ZMYM2: variants seen among roughly 807,000 people sequenced by gnomAD.
ZMYM2 encodes zinc finger MYM-type containing 2.
A neutral mutation model predicts 162.8 loss-of-function variants in ZMYM2; 56 were observed. That is an observed-to-expected ratio of 0.34 (90% CI 0.28 to 0.43). The LOEUF is 0.43. Ranked by LOEUF, ZMYM2 falls within the 20% of genes least tolerant of loss-of-function variation. The pLI is 1.00. For synonymous variants in ZMYM2, 510 were observed against 541.6 expected, an observed-to-expected ratio of 0.94 and a Z score of 0.81; for missense variants, 1,275 against 1,621.8, an observed-to-expected ratio of 0.79 and a Z score of 3.67.
At chr13:19,880,237 A>T in the ZMYM2 span, among the ~76,000 whole-genome samples, 1 of 152,004 alleles carries the variant, frequency 6.6e-6, no homozygotes, top group East Asian at 1.9e-4. Context: ...TGTATATCCT[A>T]TTGGCTCTAT....
chr13:19,944,645 C>A, the ZMYM2 span, among the ~76,000 whole-genome samples: 1 of 152,148 alleles, frequency 6.6e-6, no homozygotes, highest in South Asian at 2.1e-4. Context: ...CTGTGAATTT[C>A]TTCTTCAATC....
intron 16 of ZMYM2, among the ~76,000 whole-genome samples, 165 bp from the exon 17 acceptor site, chr13:20,060,888 T>C (rs899898486): frequency 2.0e-4 from 30 of 152,364 alleles, no homozygotes; most frequent in African/African-American, 7.0e-4. Flanking sequence ...GCTTGTATTC[T>C]AGGCTTTCTT....
chr13:20,068,794 A>G (rs1956869296), intron 21 of ZMYM2, among the ~76,000 whole-genome samples: 1 of 152,130 alleles, frequency 6.6e-6, no homozygotes, highest in African/African-American at 2.4e-5. Context: ...TGCTGTAGAG[A>G]GCACTAGCGT....
chr13:19,934,349 C>T, the ZMYM2 span, among the ~76,000 whole-genome samples: 13 of 152,076 alleles, frequency 8.5e-5, no homozygotes, highest in Admixed American at 2.6e-4. Flanking sequence ...TTAGTAGAGA[C>T]GGGGTTACCC....
chr13:19,869,796 A>AAAAT, the ZMYM2 span, among the ~76,000 whole-genome samples: 11 of 152,308 alleles, frequency 7.2e-5, no homozygotes, highest in African/African-American at 2.6e-4. Context: ...TCAAACCAAA[A>AAAAT]AAATAAATAA....
chr13:19,920,184 T>C, the ZMYM2 span, among the ~76,000 whole-genome samples: 1 of 152,188 alleles, frequency 6.6e-6, no homozygotes, highest in Admixed American at 6.6e-5. Flanking sequence ...TTTCAAGTAC[T>C]AATCCTCTAG....
chr13:19,987,111 C>CAAAAAAAAAAAAA (rs58588019), intron 2 of ZMYM2, among the ~76,000 whole-genome samples: 1 of 40,936 alleles, frequency 2.4e-5, no homozygotes, highest in African/African-American at 6.7e-5. Flanking sequence ...GGCTCCGTCT[C>CAAAAAAAAAAAAA]AAAAAAAAAA....
At chr13:19,987,991 C>CA (rs1566227859) in intron 2 of ZMYM2, among the ~76,000 whole-genome samples, 2 of 152,222 alleles carry the variant, frequency 1.3e-5, no homozygotes, top group Non-Finnish European at 2.9e-5. Context: ...AGCAGATAGA[C>CA]ACACAGCTCT....
chr13:20,031,783 C>G (rs1280873476), intron 10 of ZMYM2, among the ~76,000 whole-genome samples: 2 of 151,130 alleles, frequency 1.3e-5, no homozygotes, highest in African/African-American at 4.9e-5. Context: ...ACGATATTTT[C>G]TATCACTCAG....
intron 2 of ZMYM2, among the ~76,000 whole-genome samples, chr13:19,975,895 T>C (rs560562070): frequency 6.6e-6 from 1 of 151,732 alleles, no homozygotes; most frequent in African/African-American, 2.4e-5. Flanking sequence ...TATGTATGTA[T>C]GTATGTATGT....
intron 2 of ZMYM2, among the ~76,000 whole-genome samples, chr13:19,978,615 A>G (rs570889331): frequency 2.0e-5 from 3 of 152,022 alleles, no homozygotes; most frequent in Admixed American, 1.3e-4. Flanking sequence ...GGGTTTCTTC[A>G]TGTTGGTCAG....
chr13:20,043,304 G>A (rs1200387629), intron 12 of ZMYM2, among the ~76,000 whole-genome samples: 2 of 152,320 alleles, frequency 1.3e-5, no homozygotes, highest in East Asian at 1.9e-4. Context: ...TGGTAGTGCG[G>A]TGACAGCAGG....
chr13:20,027,294 T>A lies in ZMYM2; in HGVS notation c.1827T>A (p.Asn609Lys). Residue 609 changes from asparagine (N) to lysine (K), a missense_variant, in exon 9 of 25, where the codon AAT becomes AAA. Transcript: ENST00000610343. ...ATGGAAAACTGTACAACTTTTGCAA[T>A]TCCAGTTGTGTGGCTAAATTTCAGG... ...MPDGKLYNFC[N>K]SSCVAKFQAL... is the part of the protein sequence containing the mutation. 1 of 1,574,332 alleles carries A rather than the reference T, an allele frequency of 6.4e-7. No homozygotes were observed. Among genetic ancestry groups the A allele is most frequent in the Non-Finnish European group, 8.6e-7 (1 of 1,157,728 alleles).
chr13:19,940,200 A>G, the ZMYM2 span, among the ~76,000 whole-genome samples: 4 of 152,336 alleles, frequency 2.6e-5, no homozygotes, highest in African/African-American at 9.6e-5. Flanking sequence ...AAAAGGAAGC[A>G]TGAAAAGAAA....
rs536214451 is a variant in ZMYM2 at position 20,037,416 on chromosome 13, G to A, written c.2292+507G>A. 9.9e-5 allele frequency among the ~76,000 whole-genome samples: 15 copies of A among 151,746 alleles called. No individual in the cohort carries two copies. In the East Asian group the frequency reaches 2.5e-3, roughly 26 times the overall value. On this transcript the variant is annotated intron_variant, in intron 12 of 24. Coordinates refer to ENST00000610343, the MANE Select transcript of ZMYM2 (RefSeq NM_197968.4). The stretch of plus-strand genomic sequence containing the variant: ...CTTTTAGTAGAGACAGGGTTTCACC[G>A]TGTTGGCCAGGTTGGTCTCGAACTC...
intron 2 of ZMYM2, among the ~76,000 whole-genome samples, chr13:19,968,049 T>A (rs1168751901): frequency 1.3e-5 from 2 of 152,232 alleles, no homozygotes; most frequent in Non-Finnish European, 2.9e-5. Flanking sequence ...CTTTTCCCTA[T>A]ACTTTTAGAA....
intron 20 of ZMYM2, 83 bp downstream of exon 20, chr13:20,067,102 T>C: frequency 7.0e-7 from 1 of 1,419,436 alleles, no homozygotes; most frequent in Non-Finnish European, 9.4e-7. Context: ...TTAAAAAACA[T>C]AAATGTAACT....
intron 7 of ZMYM2, among the ~76,000 whole-genome samples, chr13:20,023,688 C>T (rs1952314464): frequency 6.6e-6 from 1 of 152,062 alleles, no homozygotes; most frequent in Non-Finnish European, 1.5e-5. Context: ...TGAATTTATT[C>T]CACAAAACTT....
intron 6 of ZMYM2, among the ~76,000 whole-genome samples, chr13:20,011,292 G>T (rs766870514): frequency 1.3e-5 from 2 of 152,060 alleles, no homozygotes; most frequent in Non-Finnish European, 2.9e-5. Context: ...GGGACCCAAA[G>T]TGTTTCAGAT....
Sources: gnomAD v4.1 joint callset for allele counts (sites outside exome capture counted in the v4.1 genomes callset) on GRCh38, gnomAD v4.1.1 for gene constraint, MANE v1.5 for transcripts, NCBI Gene and HGNC (gene_info 2026-07-23, HGNC 2026-07-21) for gene names.